NBEAL2: variants seen among roughly 807,000 people sequenced by gnomAD.
The protein encoded by NBEAL2 is neurobeachin like 2.
In NBEAL2, 160 loss-of-function variants were observed where a neutral mutation model predicts 299.8. The ratio of observed to expected loss-of-function variants is 0.53; its 90% CI spans 0.47 to 0.61. The LOEUF is 0.61. NBEAL2 is among the 20% of genes least tolerant of loss of function. The pLI, the probability that NBEAL2 is intolerant of heterozygous loss-of-function variation, is 0.00. For missense variants in NBEAL2, 3,112 were observed against 3,649.0 expected (o/e 0.85, Z 3.79); for synonymous variants, 1,493 against 1,542.3 (o/e 0.97, Z 0.75).
Position 47,007,862 on chromosome 3 carries a change from C to T in NBEAL2, c.7554C>T (p.Ile2518=), listed in dbSNP as rs1414558628. ...LALDTCGIYL[I]SGSRDTTCMV... ...TGGACACCTGTGGCATCTACCTCATCTCAGGCTCCCGGGACACCACGTGCA... is the reference window on the plus strand; with the variant it reads ...TGGACACCTGTGGCATCTACCTCATTTCAGGCTCCCGGGACACCACGTGCA... Residue 2518 remains isoleucine, a synonymous_variant, in exon 49 of 54, where the codon ATC becomes ATT. Transcript: ENST00000450053. 1.2e-6 allele frequency: 2 copies of T among 1,613,706 alleles called. No individual in the cohort carries two copies. The highest frequency in any genetic ancestry group is 2.2e-5 in the South Asian group (2 of 91,008).
At chr3:47,005,878 C>T (rs1476861937) in intron 42 of NBEAL2, 31 bp downstream of exon 42, 2 of 1,612,354 alleles carry the variant, frequency 1.2e-6, no homozygotes, top group South Asian at 2.2e-5. Context: ...AAACGGCAGG[C>T]AGCCGGGGTT....
At position 47,007,308 on chromosome 3, in the gene NBEAL2, A is replaced by G; in HGVS notation, c.7292A>G (p.Asn2431Ser). 4 of 1,611,848 alleles carry G rather than the reference A, an allele frequency of 2.5e-6. No homozygotes were observed. Among genetic ancestry groups the G allele is most frequent in the Non-Finnish European group, 3.4e-6 (4 of 1,179,054 alleles). ...TTGCCCTATGACCGCAACATAAGCA[A>G]CTACTTCAGCTTCAGCAAAGACCCC... The part of the protein sequence containing the change: ...SWLPYDRNIS[N>S]YFSFSKDPTM... The change falls in exon 47 of 54, where the codon AAC becomes AGC. Residue 2431 changes from asparagine to serine, a missense_variant. This residue lies in a region of NBEAL2 where 521 missense variants were observed against 729.6 expected (regional missense o/e 0.71). Coordinates refer to ENST00000450053, the MANE Select transcript of NBEAL2 (RefSeq NM_015175.3).
Position 46,987,986 on chromosome 3 carries a change from G to A in NBEAL2, c.52-683G>A, listed in dbSNP as rs573798251. The A allele has an allele frequency of 8.0e-5, 102 of 1,275,396 alleles. No homozygotes were observed. In the Middle Eastern group the frequency reaches 1.7e-3, roughly 22 times the overall value. 79.0% of individuals were successfully genotyped at this position (1,275,396 alleles called of 1,614,324 possible). ...CCCGGGGCGGGAGGAGACATTTCCC[G>A]TTCACACCAAAGTTTTCCTGGCAGC... is the stretch of plus-strand genomic sequence containing the variant. On this transcript the variant is annotated intron_variant, in intron 1 of 53. Transcript: ENST00000450053.
chr3:47,004,138 C>T lies in NBEAL2; in HGVS notation c.5943C>T (p.Phe1981=). 1.2e-6 allele frequency: 2 copies of T among 1,613,718 alleles called. No individual in the cohort carries two copies. Among genetic ancestry groups the T allele is most frequent in the Non-Finnish European group, 1.7e-6 (2 of 1,179,790 alleles). The change falls in exon 37 of 54, where the codon TTC becomes TTT. Residue 1981 remains phenylalanine (F), a synonymous_variant. Transcript: ENST00000450053. The surrounding 1 kb of genome is among the most constrained non-coding windows in gnomAD (Gnocchi z 5.0). ...AQLREVHLRR[F]NLRRSALELF... is the part of the protein sequence containing the mutation. ...TGCGTGAGGTCCACCTGCGGCGTTT[C>T]AACCTGCGCCGTTCAGCACTTGAGC...
At chr3:46,992,408 C>G in intron 9 of NBEAL2, 67 bp from the exon 10 acceptor site, 1 of 1,435,828 alleles carries the variant, frequency 7.0e-7, no homozygotes, top group Non-Finnish European at 9.6e-7. Flanking sequence ...GCTCTAACCC[C>G]ACCCTCTCCC....
At position 46,982,850 on chromosome 3, in the gene NBEAL2, G is replaced by A. The variant is rs2035437882; in HGVS notation, c.51+2938G>A. On this transcript the variant is annotated intron_variant, in intron 1 of 53. Transcript: ENST00000450053. The surrounding 1 kb of genome is among the most constrained non-coding windows in gnomAD (Gnocchi z 4.2). ...TGGGGGCTCATCTAGAGGACTCAGAGCCCACCAGAGCTCCCCCAGGGTAGG... is the reference window on the plus strand; with the variant it reads ...TGGGGGCTCATCTAGAGGACTCAGAACCCACCAGAGCTCCCCCAGGGTAGG... 6.6e-6 allele frequency among the ~76,000 whole-genome samples: 1 copy of A among 152,124 alleles called. No homozygotes were observed. The highest frequency in any genetic ancestry group is 2.1e-4 in the South Asian group (1 of 4,828).
At position 47,003,791 on chromosome 3, in the gene NBEAL2, C is replaced by G; in HGVS notation, c.5721-25C>G. 1 of 1,566,982 alleles carries G rather than the reference C, an allele frequency of 6.4e-7. No individual in the cohort carries two copies. Among genetic ancestry groups the G allele is most frequent in the Non-Finnish European group, 8.7e-7 (1 of 1,155,258 alleles). ...AAGAAGGGGGTCCCAGAGCCTACAG[C>G]GTGAGGTGGGTTGCTGGTCTTTAGG... On this transcript the variant is annotated intron_variant, in intron 35 of 53. Transcript: ENST00000450053. This position sits in a 1 kb window ranked among gnomAD's most constrained non-coding sequence, Gnocchi z 7.0.
rs763972746 is a variant in NBEAL2, at chr3:46,998,554, C to T, written c.3210C>T (p.Arg1070=). 5.2e-5 allele frequency: 84 copies of T among 1,610,560 alleles called. No individual in the cohort carries two copies. The highest frequency in any genetic ancestry group is 8.4e-5 in the Admixed American group (5 of 59,606). ...TCCAGTTTATCTTGGATGCTCTGCG[C>T]ACCCACTACAGGTGAGGCCAGTGGG... ...YGVQFILDAL[R]THYSPQRERP... Residue 1070 remains arginine, a synonymous_variant, in exon 22 of 54, where the codon CGC becomes CGT. Transcript: ENST00000450053.
At chr3:46,987,797 G>C (rs2035772554) in intron 1 of NBEAL2, among the ~76,000 whole-genome samples, 1 of 152,152 alleles carries the variant, frequency 6.6e-6, no homozygotes, top group Non-Finnish European at 1.5e-5. Context: ...CCCAGGACAG[G>C]TGACTCCACC....
In NBEAL2 at chr3:47,001,130, C is replaced by T; in HGVS notation, c.4435C>T (p.Leu1479=). The T allele has an allele frequency of 1.9e-6, 3 of 1,612,546 alleles. No homozygotes were observed. The highest frequency in any genetic ancestry group is 2.5e-6 in the Non-Finnish European group (3 of 1,179,500). Reference sequence around the variant, plus strand: ...CCAGGTTTTCTCAGTGCTCACCCAGCTGGGGGCCTCAGCCACACTTGTGCG... The same window carrying T: ...CCAGGTTTTCTCAGTGCTCACCCAGTTGGGGGCCTCAGCCACACTTGTGCG... The part of the protein sequence containing the change: ...RGQVFSVLTQ[L]GASATLVRPP... Residue 1479 remains leucine, a synonymous_variant, in exon 28 of 54, where the codon CTG becomes TTG. Transcript: ENST00000450053. The surrounding 1 kb of genome is among the most constrained non-coding windows in gnomAD (Gnocchi z 6.1).
In NBEAL2 at chr3:46,996,950, C is replaced by T; in HGVS notation, c.2557-4C>T. On this transcript the variant is annotated splice_region_variant and splice_polypyrimidine_tract_variant and intron_variant, in intron 17 of 53. Coordinates refer to ENST00000450053, the MANE Select transcript of NBEAL2 (RefSeq NM_015175.3). The stretch of plus-strand genomic sequence containing the variant: ...TGGCTGCCTGCCCATTCCCCTATCC[C>T]TAGGCTTGTAAGAACAACATCTGCC... 1 of 1,613,188 alleles carries T rather than the reference C, an allele frequency of 6.2e-7. No individual in the cohort carries two copies. The highest frequency in any genetic ancestry group is 8.5e-7 in the Non-Finnish European group (1 of 1,179,794).
Position 47,000,978 on chromosome 3 carries a change from A to G in NBEAL2, c.4306-23A>G. ...CCTTAGCCGCCCACAACCCACGCCC[A>G]CACCACCCACCTGTGCCCACAGCAA... On this transcript the variant is annotated intron_variant, in intron 27 of 53. Coordinates refer to ENST00000450053, the MANE Select transcript of NBEAL2 (RefSeq NM_015175.3). This position sits in a 1 kb window ranked among gnomAD's most constrained non-coding sequence, Gnocchi z 4.5. The G allele has an allele frequency of 6.3e-7, 1 of 1,576,628 alleles. No homozygotes were observed. Among genetic ancestry groups the G allele is most frequent in the African/African-American group, 1.4e-5 (1 of 73,870 alleles).
chr3:47,001,581 T>C lies in NBEAL2; in HGVS notation c.4645-108T>C. ...ATGCCTGTGAGTGTGGACTTGCCTG[T>C]GTGCACAAACCCTACCTGGCCCCCA... On this transcript the variant is annotated intron_variant, in intron 29 of 53. Transcript: ENST00000450053. The surrounding 1 kb of genome is among the most constrained non-coding windows in gnomAD (Gnocchi z 6.1). The C allele has an allele frequency of 5.7e-6, 9 of 1,569,068 alleles. No individual in the cohort carries two copies. Among genetic ancestry groups the C allele is most frequent in the Non-Finnish European group, 7.8e-6 (9 of 1,155,518 alleles).
Position 46,979,717 on chromosome 3 carries a change from C to T in NBEAL2, c.-145C>T. 1 of 307,786 alleles carries T rather than the reference C, an allele frequency of 3.2e-6. No homozygotes were observed. Among genetic ancestry groups the T allele is most frequent in the Non-Finnish European group, 6.0e-6 (1 of 167,042 alleles). The allele number at this position is 307,786 out of a possible 1,614,324, so 19.1% of individuals were successfully genotyped here. A position where few individuals can be genotyped will look rare whatever the true frequency, so the allele number is the denominator to read the frequency against. On this transcript the variant is annotated 5_prime_UTR_variant, in exon 1 of 54. Coordinates refer to ENST00000450053, the MANE Select transcript of NBEAL2 (RefSeq NM_015175.3). ...GGGTGGCTCTGCGCCGCGGAGGCCA[C>T]AGCCGCAGACTTCCCCAGTAGTACC...
rs200629151 is a variant in NBEAL2 at position 47,000,160 on chromosome 3, C to T, written c.4061C>T (p.Thr1354Met). ...GFYHALSPFC[T>M]PFDLGLERSS... is the part of the protein sequence containing the mutation. ...TACCATGCTCTCTCCCCATTCTGCA[C>T]GCCCTTTGACCTGGGCCTGGAACGG... Residue 1354 changes from threonine to methionine, a missense_variant, in exon 27 of 54, where the codon ACG becomes ATG. This residue lies in a region of NBEAL2 where 2,243 missense variants were observed against 2,538.1 expected (regional missense o/e 0.88). Transcript: ENST00000450053. This position sits in a 1 kb window ranked among gnomAD's most constrained non-coding sequence, Gnocchi z 4.5. The T allele has an allele frequency of 1.0e-4, 165 of 1,613,860 alleles. No individual in the cohort carries two copies. The African/African-American group carries it at 1.1e-3, about 11-fold the overall frequency.
Position 47,003,069 on chromosome 3 carries a change from C to T in NBEAL2, c.5572C>T (p.Arg1858Ter). 1.2e-6 allele frequency: 2 copies of T among 1,612,196 alleles called. No homozygotes were observed. The highest frequency in any genetic ancestry group is 1.7e-6 in the Non-Finnish European group (2 of 1,179,252). Residue 1858 changes from arginine to a stop codon, truncating the protein, a stop_gained, in exon 34 of 54, where the codon CGA (arginine) becomes TGA (stop). Coordinates refer to ENST00000450053, the MANE Select transcript of NBEAL2 (RefSeq NM_015175.3). LOFTEE classifies it high-confidence loss of function. The surrounding 1 kb of genome is among the most constrained non-coding windows in gnomAD (Gnocchi z 7.0). ...CCCTCACCTGGAAGCCAGCGCTCTC[C>T]GAGACAATCTGGGTGAGGGAGTGTG... The part of the protein sequence containing the change: ...FDPHLEASAL[R>*]DNLGEVPLTP...
At chr3:46,990,421 G>C (rs959144537) in intron 6 of NBEAL2, among the ~76,000 whole-genome samples, 1 of 152,142 alleles carries the variant, frequency 6.6e-6, no homozygotes, top group Non-Finnish European at 1.5e-5. Flanking sequence ...CTCTCCACTT[G>C]CCCTGCTGCT....
intron 47 of NBEAL2, 30 bp from the exon 48 acceptor site, chr3:47,007,495 C>A: frequency 6.3e-7 from 1 of 1,596,328 alleles, no homozygotes; most frequent in Non-Finnish European, 8.5e-7. Flanking sequence ...TGTGGCCTGG[C>A]CTCACTTGCT....
intron 42 of NBEAL2, 24 bp downstream of exon 42, chr3:47,005,871 C>T (rs756883861): frequency 8.7e-6 from 14 of 1,612,508 alleles, no homozygotes; most frequent in Admixed American, 3.3e-5. Flanking sequence ...CACAGGCAAA[C>T]GGCAGGCAGC....
Sources: allele counts gnomAD v4.1 joint callset (sites outside exome capture counted in the v4.1 genomes callset), GRCh38; gene constraint gnomAD v4.1.1; regional missense constraint gnomAD v4.1.1; non-coding constraint Gnocchi (gnomAD v3.1); transcripts MANE v1.5; gene names NCBI Gene and HGNC (gene_info 2026-07-23, HGNC 2026-07-21).